GABRB2: variants seen among roughly 807,000 people sequenced by gnomAD.
The protein encoded by GABRB2 is gamma-aminobutyric acid receptor subunit beta-2.
Under a neutral mutation model 54.7 loss-of-function variants are expected in GABRB2, and 16 were observed. The ratio of observed to expected loss-of-function variants is 0.29; its 90% CI spans 0.20 to 0.44. The LOEUF (loss-of-function observed/expected upper bound fraction) is 0.44. Among genes scored for constraint, GABRB2 ranks in the 20% least tolerant of loss-of-function variants. The pLI is 1.00. For synonymous variants in GABRB2, 244 were observed against 233.8 expected (o/e 1.04, Z -0.40); for missense variants, 355 against 644.0 (o/e 0.55, Z 4.86).
chr5:161,352,304 T>C (rs1754493799), intron 5 of GABRB2, among the ~76,000 whole-genome samples: 1 of 151,980 alleles, frequency 6.6e-6, no homozygotes, highest in Non-Finnish European at 1.5e-5. Context: ...AATGAACCTG[T>C]GTCCATCAAT....
At chr5:161,319,033 T>A (rs778977187) in intron 9 of GABRB2, among the ~76,000 whole-genome samples, 12 of 151,958 alleles carry the variant, frequency 7.9e-5, no homozygotes, top group Admixed American at 2.0e-4. Flanking sequence ...AAATTTTGTT[T>A]GAATAAATTG....
rs73316965 is a variant in GABRB2, at chr5:161,326,968, A to G, written c.1078-487T>C. 2.0e-3 allele frequency: 1,953 copies of G among 983,226 alleles called. 11 individuals carry two copies. Among genetic ancestry groups the G allele is most frequent in the African/African-American group, 0.019 (1,067 of 57,198 alleles). The allele number at this position is 983,226 out of a possible 1,614,324, so 60.9% of individuals were successfully genotyped here. ...GAAACAATATAAAGCTTAAAAGAGA[A>G]GTAAGGGGAGTTGAAACTTGAAGCT... On this transcript the variant is annotated intron_variant, in intron 8 of 9. Transcript: ENST00000393959.
chr5:161,355,278 T>C (rs993233650), intron 5 of GABRB2, among the ~76,000 whole-genome samples: 1 of 148,654 alleles, frequency 6.7e-6, no homozygotes, highest in African/African-American at 2.4e-5. Flanking sequence ...CTGTGACATA[T>C]ATATAATATA....
chr5:161,416,956 T>G (rs1163960470), intron 4 of GABRB2, among the ~76,000 whole-genome samples: 1 of 151,914 alleles, frequency 6.6e-6, no homozygotes, highest in Non-Finnish European at 1.5e-5. Context: ...CAAAGCAAAC[T>G]AATATAAAAA....
chr5:161,409,200 G>A (rs1221876618), intron 5 of GABRB2, among the ~76,000 whole-genome samples: 1 of 151,968 alleles, frequency 6.6e-6, no homozygotes, highest in Non-Finnish European at 1.5e-5. Context: ...TTCCAAATCA[G>A]CACAGAGCCA....
At chr5:161,347,306 A>G (rs74813073) in intron 5 of GABRB2, among the ~76,000 whole-genome samples, 242 of 152,236 alleles carry the variant, frequency 1.6e-3, no homozygotes, top group South Asian at 6.4e-3. Context: ...ATTGAACTCA[A>G]TCTGCTTTAA....
chr5:161,314,084 G>C (rs1757954569), intron 9 of GABRB2, among the ~76,000 whole-genome samples: 2 of 152,220 alleles, frequency 1.3e-5, no homozygotes, highest in Admixed American at 6.5e-5. Context: ...TGGCTTCAGA[G>C]ACCAACATTT....
chr5:161,294,525 G>T, intron 9 of GABRB2, 97 bp from the exon 10 acceptor site: 1 of 1,032,892 alleles, frequency 9.7e-7, no homozygotes, highest in Non-Finnish European at 1.4e-6. Flanking sequence ...GGGATTTATA[G>T]GAGTGGTAAA....
At chr5:161,433,054 T>A (rs1012814223) in intron 4 of GABRB2, among the ~76,000 whole-genome samples, 2 of 152,082 alleles carry the variant, frequency 1.3e-5, no homozygotes, top group Non-Finnish European at 2.9e-5. Flanking sequence ...CTTCAATGTG[T>A]GAGCAATTTG....
chr5:161,295,214 C>T (rs2113335651), intron 9 of GABRB2, among the ~76,000 whole-genome samples: 1 of 152,286 alleles, frequency 6.6e-6, no homozygotes, highest in East Asian at 1.9e-4. Flanking sequence ...GCTGACTGTG[C>T]TCAACTGAAT....
intron 6 of GABRB2, 47 bp downstream of exon 6, chr5:161,336,585 A>T (rs776176368): frequency 6.3e-7 from 1 of 1,598,150 alleles, no homozygotes. Flanking sequence ...TGTTTAACAA[A>T]ATACGGTGAA....
intron 4 of GABRB2, among the ~76,000 whole-genome samples, chr5:161,453,744 A>T (rs1463769751): frequency 6.6e-6 from 1 of 152,178 alleles, no homozygotes; most frequent in African/African-American, 2.4e-5. Flanking sequence ...TAATAAAAAA[A>T]AGAAGCACTT....
At chr5:161,419,481 C>G (rs1465716027) in intron 4 of GABRB2, among the ~76,000 whole-genome samples, 2 of 152,138 alleles carry the variant, frequency 1.3e-5, no homozygotes, top group Non-Finnish European at 2.9e-5. Context: ...GGAAAATAAA[C>G]CGCTACGCCA....
chr5:161,310,592 T>A (rs1454984005), intron 9 of GABRB2, among the ~76,000 whole-genome samples: 1 of 152,162 alleles, frequency 6.6e-6, no homozygotes, highest in Admixed American at 6.5e-5. Context: ...AACTCAAAAT[T>A]GCAATCATTT....
chr5:161,369,507 A>G (rs1353102040), intron 5 of GABRB2, among the ~76,000 whole-genome samples: 1 of 149,636 alleles, frequency 6.7e-6, no homozygotes, highest in Admixed American at 6.7e-5. Flanking sequence ...ATGCTTTCTC[A>G]GAGAAAGAGA....
intron 5 of GABRB2, among the ~76,000 whole-genome samples, chr5:161,361,076 T>G (rs1754795704): frequency 6.6e-6 from 1 of 151,446 alleles, no homozygotes; most frequent in Non-Finnish European, 1.5e-5. Context: ...TCTTTCAGAC[T>G]GTGAGAAACA....
At chr5:161,487,925 T>C (rs1286693791) in intron 3 of GABRB2, among the ~76,000 whole-genome samples, 1 of 151,630 alleles carries the variant, frequency 6.6e-6, no homozygotes, top group Non-Finnish European at 1.5e-5. Context: ...TGAAAAGCTA[T>C]TGACTGATCC....
chr5:161,331,254 A>C (rs1230038622), intron 7 of GABRB2, 127 bp from the exon 8 acceptor site: 13 of 1,104,718 alleles, frequency 1.2e-5, no homozygotes, highest in Non-Finnish European at 1.7e-5. Flanking sequence ...TTGGGCCTTT[A>C]CTATTGCATG....
At chr5:161,409,658 T>C (rs1233424532) in intron 5 of GABRB2, among the ~76,000 whole-genome samples, 1 of 152,148 alleles carries the variant, frequency 6.6e-6, no homozygotes, top group Non-Finnish European at 1.5e-5. Context: ...CAGAAATTCA[T>C]GAGTGGTACA....
Sources: gnomAD v4.1 joint callset for allele counts (sites outside exome capture counted in the v4.1 genomes callset) on GRCh38, gnomAD v4.1.1 for gene constraint, MANE v1.5 for transcripts, NCBI Gene and HGNC (gene_info 2026-07-23, HGNC 2026-07-21) for gene names.